Variants in RFTN1 observed in about 807,000 individuals in gnomAD.
The protein encoded by RFTN1 is raftlin, lipid raft linker 1, also known as raftlin.
A neutral mutation model predicts 46.5 loss-of-function variants in RFTN1; 26 were observed. The observed-to-expected ratio is 0.56, with a 90% confidence interval of 0.41 to 0.78. The LOEUF (loss-of-function observed/expected upper bound fraction) is 0.78, where lower values mean the gene tolerates loss of function less well. RFTN1 is among the 30% of genes least tolerant of loss of function. RFTN1 has a pLI of 0.00. For synonymous variants in RFTN1, 261 were observed against 284.2 expected, an observed-to-expected ratio of 0.92 and a Z score of 0.82; for missense variants, 693 against 718.7, an observed-to-expected ratio of 0.96 and a Z score of 0.41.
At position 16,377,989 on chromosome 3, in the gene RFTN1, C is replaced by G. The variant is rs2073844247; in HGVS notation, c.555G>C (p.Glu185Asp). Residue 185 changes from glutamate to aspartate, a missense_variant, in exon 5 of 10, where the codon GAG (glutamate) becomes GAC (aspartate). Physicochemically the swap from Glu to Asp is conservative, Grantham distance 45 (BLOSUM62 2). Transcript: ENST00000334133. ...GTGCGTTTTTTGCATCTCTGGCATC[C>G]TCGGTGCTGTTGGCAGTAGACACCG... ...SAPVSTANST[E>D]DARDAKNARG... 6.2e-7 allele frequency: 1 copy of G among 1,614,142 alleles called. No individual in the cohort carries two copies. The highest frequency in any genetic ancestry group is 8.5e-7 in the Non-Finnish European group (1 of 1,180,050).
intron 7 of RFTN1, among the ~76,000 whole-genome samples, chr3:16,333,044 A>G (rs577877608): frequency 1.1e-4 from 17 of 152,368 alleles, no homozygotes; most frequent in Admixed American, 9.8e-4. Flanking sequence ...ATTCATGAAC[A>G]TTGAACTTGC....
chr3:16,445,790 A>G (rs1340844007), intron 2 of RFTN1, among the ~76,000 whole-genome samples: 1 of 152,188 alleles, frequency 6.6e-6, no homozygotes, highest in Non-Finnish European at 1.5e-5. Flanking sequence ...TGTGACTTTT[A>G]AAAAGTTTAA....
In RFTN1 at chr3:16,335,661, C is replaced by G. The variant is rs1245249447; in HGVS notation, c.1147-8785G>C. Among the ~76,000 whole-genome samples the G allele has an allele frequency of 1.3e-5, 2 of 151,926 alleles. No homozygotes were observed. The highest frequency in any genetic ancestry group is 3.9e-4 in the East Asian group (2 of 5,158). ...GGAGGGAGAGCATCAGGAAAAATAG[C>G]TAATGGATGCTGGGCTTCATACCTA... On this transcript the variant is annotated intron_variant, in intron 7 of 9. Coordinates refer to ENST00000334133, the MANE Select transcript of RFTN1 (RefSeq NM_015150.2). This position sits in a 1 kb window ranked among gnomAD's most constrained non-coding sequence, Gnocchi z 4.7.
Position 16,346,032 on chromosome 3 carries a change from C to T in RFTN1, c.1146+11900G>A, listed in dbSNP as rs1465189374. On this transcript the variant is annotated intron_variant, in intron 7 of 9. Transcript: ENST00000334133. This position sits in a 1 kb window ranked among gnomAD's most constrained non-coding sequence, Gnocchi z 4.4. ...GCAAGAATCAAAATTCACTTTGCCCCATGATCTTCACCAGAACGGCATACT... is the reference window on the plus strand; with the variant it reads ...GCAAGAATCAAAATTCACTTTGCCCTATGATCTTCACCAGAACGGCATACT... The T allele has an allele frequency of 6.6e-6, 1 of 152,150 alleles. No homozygotes were observed. Among genetic ancestry groups the T allele is most frequent in the Admixed American group, 6.5e-5 (1 of 15,270 alleles). 9.4% of individuals were successfully genotyped at this position (152,150 alleles called of 1,614,324 possible).
Position 16,451,039 on chromosome 3 carries a change from G to A in RFTN1, c.146-17002C>T, listed in dbSNP as rs73816487. On this transcript the variant is annotated intron_variant, in intron 2 of 9. Coordinates refer to ENST00000334133, the MANE Select transcript of RFTN1 (RefSeq NM_015150.2). The surrounding 1 kb of genome is among the most constrained non-coding windows in gnomAD (Gnocchi z 4.2). ...CTGGGGATAGAAAACGGAGGCTCAC[G>A]TACCTGTGCATAAATGCTCACTAAG... 6.6e-5 allele frequency among the ~76,000 whole-genome samples: 10 copies of A among 152,094 alleles called. No individual in the cohort carries two copies. The highest frequency in any genetic ancestry group is 4.1e-4 in the South Asian group (2 of 4,822).
At chr3:16,333,861 G>GA (rs1226713423) in intron 7 of RFTN1, among the ~76,000 whole-genome samples, 2 of 152,150 alleles carry the variant, frequency 1.3e-5, no homozygotes, top group African/African-American at 4.8e-5. Context: ...AATCTCATAA[G>GA]AAAAATGCAA....
chr3:16,358,104 A>AG (rs2072573099), intron 6 of RFTN1, 57 bp from the exon 7 acceptor site: 8 of 944,460 alleles, frequency 8.5e-6, no homozygotes, highest in South Asian at 7.8e-5. Context: ...CTGTGGCAGA[A>AG]GTCTTCTAAG....
At position 16,344,971 on chromosome 3, in the gene RFTN1, T is replaced by G. The variant is rs1016400256; in HGVS notation, c.1146+12961A>C. Among the ~76,000 whole-genome samples the G allele has an allele frequency of 6.6e-6, 1 of 152,204 alleles. No homozygotes were observed. The highest frequency in any genetic ancestry group is 1.5e-5 in the Non-Finnish European group (1 of 68,030). On this transcript the variant is annotated intron_variant, in intron 7 of 9. Transcript: ENST00000334133. The surrounding 1 kb of genome is among the most constrained non-coding windows in gnomAD (Gnocchi z 4.4). ...TCTGTGGCTCTCAAACTATGCATTT[T>G]AAGCTCTTTTAGGGGGCCACATGGA...
intron 2 of RFTN1, among the ~76,000 whole-genome samples, chr3:16,477,106 C>A (rs1263174692): frequency 6.6e-6 from 1 of 152,192 alleles, no homozygotes; most frequent in African/African-American, 2.4e-5. Context: ...ATTAATGGTG[C>A]CTCCATTAAA....
chr3:16,478,118 C>T (rs1157766958), intron 2 of RFTN1, among the ~76,000 whole-genome samples: 1 of 152,188 alleles, frequency 6.6e-6, no homozygotes, highest in African/African-American at 2.4e-5. Context: ...GCTAAGCACT[C>T]ACAGCTGCCC....
chr3:16,360,514 G>A (rs1047784138), intron 6 of RFTN1, among the ~76,000 whole-genome samples: 1 of 152,134 alleles, frequency 6.6e-6, no homozygotes, highest in African/African-American at 2.4e-5. Flanking sequence ...GTAAAGGTAT[G>A]GTGATATGCA....
chr3:16,334,321 C>A lies in RFTN1; in HGVS notation c.1147-7445G>T, dbSNP rs1416709511. On this transcript the variant is annotated intron_variant, in intron 7 of 9. Transcript: ENST00000334133. The surrounding 1 kb of genome is among the most constrained non-coding windows in gnomAD (Gnocchi z 4.3). The stretch of plus-strand genomic sequence containing the variant: ...CTTGTACATTGCTAGTGGAAGGGCT[C>A]ATTGATTCAACCCTCCTGGAGAACA... Among the ~76,000 whole-genome samples the A allele has an allele frequency of 6.6e-6, 1 of 152,196 alleles. No homozygotes were observed. Among genetic ancestry groups the A allele is most frequent in the East Asian group, 1.9e-4 (1 of 5,202 alleles).
intron 4 of RFTN1, among the ~76,000 whole-genome samples, chr3:16,397,649 C>T (rs867945808): frequency 6.6e-6 from 1 of 152,042 alleles, no homozygotes; most frequent in Non-Finnish European, 1.5e-5. Flanking sequence ...ACTGACCACA[C>T]CCCCGCCCAC....
intron 7 of RFTN1, among the ~76,000 whole-genome samples, chr3:16,343,526 C>T (rs1221880389): frequency 2.6e-5 from 4 of 152,232 alleles, no homozygotes; most frequent in African/African-American, 9.6e-5. Flanking sequence ...TTCACCTGTA[C>T]CCTAGAGTCT....
At chr3:16,414,617 A>G (rs948052382) in intron 3 of RFTN1, among the ~76,000 whole-genome samples, 1 of 151,556 alleles carries the variant, frequency 6.6e-6, no homozygotes, top group African/African-American at 2.4e-5. Flanking sequence ...AAAAAAAAAA[A>G]GAAAAGAAAA....
chr3:16,435,427 C>T (rs796828423), intron 2 of RFTN1, among the ~76,000 whole-genome samples: 2 of 152,036 alleles, frequency 1.3e-5, no homozygotes, highest in African/African-American at 4.8e-5. Flanking sequence ...AAAATTAGTC[C>T]GGTGTGGTGG....
rs150606598 is a variant in RFTN1, at chr3:16,453,416, T to C, written c.146-19379A>G. ...ATACCACAGTAGTGCAGCAAGTGAA[T>C]GTAGCAAGATCAGAACAAAATGACT... On this transcript the variant is annotated intron_variant, in intron 2 of 9. Coordinates refer to ENST00000334133, the MANE Select transcript of RFTN1 (RefSeq NM_015150.2). 5.4e-4 allele frequency among the ~76,000 whole-genome samples: 83 copies of C among 152,338 alleles called. No homozygotes were observed. The East Asian group carries it at 7.3e-3, about 13-fold the overall frequency.
chr3:16,416,196 G>A, intron 3 of RFTN1: 1 of 456,322 alleles, frequency 2.2e-6, no homozygotes, highest in Non-Finnish European at 4.4e-6. Flanking sequence ...GGTACTACTG[G>A]CAGAGATGTG....
chr3:16,357,785 C>T, intron 7 of RFTN1, 147 bp downstream of exon 7: 3 of 542,824 alleles, frequency 5.5e-6, no homozygotes, highest in Non-Finnish European at 9.8e-6. Context: ...AATGAAAAGA[C>T]TAAGGGGATC....
Sources: gnomAD v4.1 joint callset for allele counts (sites outside exome capture counted in the v4.1 genomes callset) on GRCh38, gnomAD v4.1.1 for gene constraint, Gnocchi (gnomAD v3.1) non-coding constraint, MANE v1.5 for transcripts, NCBI Gene and HGNC (gene_info 2026-07-23, HGNC 2026-07-21) for gene names.